INTS7: variants seen among roughly 807,000 people sequenced by gnomAD.
INTS7 encodes the protein chromosome 1 open reading frame 73.
A neutral mutation model predicts 109.2 loss-of-function variants in INTS7; 46 were observed. The observed-to-expected ratio is 0.42, with a 90% CI of 0.33 to 0.54. The LOEUF is 0.54. Among genes scored for constraint, INTS7 ranks in the 20% least tolerant of loss-of-function variants. INTS7 has a pLI of 0.07. For synonymous variants in INTS7, 412 were observed against 402.9 expected, an observed-to-expected ratio of 1.02 and a Z score of -0.27; for missense variants, 929 against 1,132.4, an observed-to-expected ratio of 0.82 and a Z score of 2.58.
intron 4 of INTS7, among the ~76,000 whole-genome samples, chr1:212,014,039 T>C (rs1427995186): frequency 6.6e-6 from 1 of 152,240 alleles, no homozygotes; most frequent in Non-Finnish European, 1.5e-5. Flanking sequence ...ATAGGAACTG[T>C]ACTTATTCAG....
At chr1:211,971,915 C>CAAAAAAAAAAAAAAAAAAAGAAAA (rs1664190065) in intron 13 of INTS7, among the ~76,000 whole-genome samples, 1 of 79,820 alleles carries the variant, frequency 1.3e-5, no homozygotes, top group African/African-American at 4.9e-5. Context: ...AACTCAGTCT[C>CAAAAAAAAAAAAAAAAAAAGAAAA]AAAAAAAAAA....
At chr1:211,958,891 T>C (rs1320847582) in intron 16 of INTS7, among the ~76,000 whole-genome samples, 1 of 152,186 alleles carries the variant, frequency 6.6e-6, no homozygotes, top group Non-Finnish European at 1.5e-5. Flanking sequence ...CCAGGATGAC[T>C]GGTCCTCTCC....
chr1:212,002,249 G>C (rs188166998), intron 7 of INTS7, among the ~76,000 whole-genome samples: 17 of 152,208 alleles, frequency 1.1e-4, no homozygotes, highest in Admixed American at 1.0e-3. Context: ...CAACTACCTT[G>C]GTTCAGGTAA....
At position 211,978,405 on chromosome 1, in the gene INTS7, C is replaced by T. The variant is rs780657722; in HGVS notation, c.1337G>A (p.Arg446Gln). 1.8e-5 allele frequency: 29 copies of T among 1,614,164 alleles called. No homozygotes were observed. In the East Asian group the frequency reaches 4.0e-4, roughly 22 times the overall value. Residue 446 changes from arginine to glutamine, a missense_variant, in exon 11 of 20, where the codon CGG (arginine) becomes CAG (glutamine). By Grantham distance (43) the Arg-to-Gln change is conservative. Coordinates refer to ENST00000366994, the MANE Select transcript of INTS7 (RefSeq NM_015434.4). ...TQLHSAQDAA[R>Q]ILMCHCLAAI... ...TGCCAGGCAATGGCACATCAAAATC[C>T]GGGCAGCGTCTTGAGCACTGTGCAA...
chr1:211,985,310 G>T (rs756196234), intron 8 of INTS7, among the ~76,000 whole-genome samples: 13 of 152,180 alleles, frequency 8.5e-5, no homozygotes, highest in Non-Finnish European at 1.5e-4. Flanking sequence ...CCATTTGTTA[G>T]TGATGATTTA....
intron 16 of INTS7, among the ~76,000 whole-genome samples, chr1:211,957,901 A>G (rs1439871372): frequency 6.6e-6 from 1 of 151,994 alleles, no homozygotes; most frequent in Non-Finnish European, 1.5e-5. Flanking sequence ...TAGAGTTTAA[A>G]ATATTCACCC....
chr1:211,953,725 T>C (rs1663226269), intron 16 of INTS7, among the ~76,000 whole-genome samples: 1 of 151,620 alleles, frequency 6.6e-6, no homozygotes, highest in African/African-American at 2.4e-5. Context: ...ACAAAGGACA[T>C]GAACTCATCA....
chr1:211,978,589 G>T (rs1432328136), intron 10 of INTS7, 78 bp from the exon 11 acceptor site: 3 of 1,517,992 alleles, frequency 2.0e-6, no homozygotes, highest in South Asian at 2.4e-5. Context: ...CTTTGTACAG[G>T]TTACTGGGGA....
At chr1:211,944,421 T>A (rs549704038) in intron 19 of INTS7, among the ~76,000 whole-genome samples, 1 of 152,172 alleles carries the variant, frequency 6.6e-6, no homozygotes, top group African/African-American at 2.4e-5. Context: ...CTGCCATAAA[T>A]TTTATAGGGG....
intron 8 of INTS7, among the ~76,000 whole-genome samples, chr1:211,983,532 A>G (rs1423623461): frequency 6.6e-6 from 1 of 152,234 alleles, no homozygotes; most frequent in Non-Finnish European, 1.5e-5. Flanking sequence ...ACAGTAGAGA[A>G]GCCCTCAGTT....
intron 1 of INTS7, among the ~76,000 whole-genome samples, chr1:212,026,269 T>C (rs114369327): frequency 3.7e-3 from 559 of 152,316 alleles, no homozygotes; most frequent in Middle Eastern, 6.8e-3. Context: ...TGGGTGATGT[T>C]CCGTAATGCA....
chr1:211,980,073 T>C (rs959767905), intron 10 of INTS7, among the ~76,000 whole-genome samples: 4 of 152,118 alleles, frequency 2.6e-5, no homozygotes, highest in African/African-American at 4.8e-5. Context: ...CCCACAATTG[T>C]TGGAAAAAAG....
At chr1:212,035,316 C>T (rs777544428) in intron 1 of INTS7, 28 bp downstream of exon 1, 73 of 1,476,778 alleles carry the variant, frequency 4.9e-5, no homozygotes, top group Non-Finnish European at 6.5e-5. Flanking sequence ...ACGCCTGTTT[C>T]ACCCATTCAG....
intron 1 of INTS7, among the ~76,000 whole-genome samples, chr1:212,034,124 T>A (rs1667304968): frequency 6.6e-6 from 1 of 152,012 alleles, no homozygotes; most frequent in Admixed American, 6.5e-5. Context: ...ATACTTTTTT[T>A]TTTCAGAGGA....
At chr1:212,009,033 A>G (rs988528682) in intron 5 of INTS7, among the ~76,000 whole-genome samples, 9 of 152,104 alleles carry the variant, frequency 5.9e-5, no homozygotes, top group African/African-American at 1.9e-4. Flanking sequence ...CCCAGTACTC[A>G]GAGGGATCTT....
chr1:211,966,066 A>T (rs1382075459), intron 16 of INTS7: 1 of 159,712 alleles, frequency 6.3e-6, no homozygotes, highest in Non-Finnish European at 1.4e-5. Flanking sequence ...GAGGGGAAAA[A>T]TTTAAAAGAG....
chr1:212,008,359 A>C (rs1317797254), intron 5 of INTS7, among the ~76,000 whole-genome samples: 1 of 151,396 alleles, frequency 6.6e-6, no homozygotes, highest in Non-Finnish European at 1.5e-5. Context: ...TTTGAAACTC[A>C]CTCCTAATGG....
At chr1:211,973,654 A>C (rs1054558229) in intron 13 of INTS7, among the ~76,000 whole-genome samples, 7 of 152,258 alleles carry the variant, frequency 4.6e-5, no homozygotes, top group Non-Finnish European at 1.0e-4. Flanking sequence ...AAAAATAAAA[A>C]TAAAAAAAGT....
chr1:212,032,714 C>A (rs576816988), intron 1 of INTS7, among the ~76,000 whole-genome samples: 61 of 152,256 alleles, frequency 4.0e-4, no homozygotes, highest in African/African-American at 1.4e-3. Context: ...CTCCTGACTT[C>A]GTGATCCGCC....
Sources: allele counts gnomAD v4.1 joint callset (sites outside exome capture counted in the v4.1 genomes callset), GRCh38; gene constraint gnomAD v4.1.1; transcripts MANE v1.5; gene names NCBI Gene and HGNC (gene_info 2026-07-23, HGNC 2026-07-21).